Variants in BTBD9 observed in about 807,000 individuals in gnomAD.
The protein encoded by BTBD9 is BTB/POZ domain-containing protein 9.
Under a neutral mutation model 64.3 loss-of-function variants are expected in BTBD9, and 49 were observed. The observed-to-expected ratio is 0.76, with a 90% CI of 0.61 to 0.97. The LOEUF is 0.97. Ranked by LOEUF, BTBD9 falls within the 50% of genes least tolerant of loss-of-function variation. BTBD9 has a pLI of 0.00. For missense variants in BTBD9, 598 were observed against 762.1 expected, an observed-to-expected ratio of 0.78 and a Z score of 2.53; for synonymous variants, 260 against 274.7, an observed-to-expected ratio of 0.95 and a Z score of 0.53.
intron 10 of BTBD9, among the ~76,000 whole-genome samples, chr6:38,190,627 C>A (rs1762032180): frequency 6.6e-6 from 1 of 152,138 alleles, no homozygotes; most frequent in Non-Finnish European, 1.5e-5. Context: ...ACTATCCAAC[C>A]CATTTAAAAT....
chr6:38,554,263 G>A (rs1774927872), intron 6 of BTBD9, among the ~76,000 whole-genome samples: 1 of 152,204 alleles, frequency 6.6e-6, no homozygotes, highest in Admixed American at 6.5e-5. Flanking sequence ...TCACACAGAT[G>A]CTATAGACAG....
intron 10 of BTBD9, among the ~76,000 whole-genome samples, chr6:38,181,376 G>A (rs982020436): frequency 6.6e-6 from 1 of 152,108 alleles, no homozygotes; most frequent in African/African-American, 2.4e-5. Context: ...TCTACCTCTT[G>A]ATGTCTGTCC....
Position 38,560,588 on chromosome 6 carries a change from TTTTAA to T in BTBD9, c.1154+17007_1154+17011del, listed in dbSNP as rs1775222871. On this transcript the variant is annotated intron_variant, in intron 6 of 10. Transcript: ENST00000481247. ...TTTTTTGAAATTTATTTTTTTTAACTTTTAATTTAGGTTCAGGGATACATGTGCAG... is the reference window on the plus strand; with the variant it reads ...TTTTTTGAAATTTATTTTTTTTAACTTTTAGGTTCAGGGATACATGTGCAG... Among the ~76,000 whole-genome samples, 4 of 152,298 alleles carry T rather than the reference TTTTAA, an allele frequency of 2.6e-5. No homozygotes were observed. The South Asian group carries it at 6.2e-4, about 24-fold the overall frequency.
chr6:38,488,258 G>A (rs1771546889), intron 6 of BTBD9, among the ~76,000 whole-genome samples: 1 of 151,966 alleles, frequency 6.6e-6, no homozygotes, highest in Admixed American at 6.6e-5. Flanking sequence ...AAGTGTCCAA[G>A]GGATTTTTTT....
At chr6:38,592,901 C>G in intron 3 of BTBD9, 61 bp from the exon 4 acceptor site, 1 of 1,542,650 alleles carries the variant, frequency 6.5e-7, no homozygotes, top group Non-Finnish European at 8.9e-7. Context: ...CATGACCAAT[C>G]AGTAAAAGCT....
At chr6:38,540,340 C>T (rs545187493) in intron 6 of BTBD9, among the ~76,000 whole-genome samples, 86 of 152,234 alleles carry the variant, frequency 5.6e-4, no homozygotes, top group African/African-American at 1.9e-3. Context: ...ATATGAAATA[C>T]TCCATAGGGG....
chr6:38,355,415 G>T (rs542736201), intron 6 of BTBD9, among the ~76,000 whole-genome samples: 14 of 152,254 alleles, frequency 9.2e-5, no homozygotes, highest in Admixed American at 6.5e-4. Flanking sequence ...AGTTTGGCAA[G>T]GCTGTTTTTT....
intron 6 of BTBD9, among the ~76,000 whole-genome samples, chr6:38,414,963 C>T (rs577773746): frequency 6.6e-6 from 1 of 152,124 alleles, no homozygotes. Flanking sequence ...TTTCAATTGC[C>T]TACTAGACAC....
chr6:38,613,990 AACTTAAGCAG>A (rs1300164290), intron 1 of BTBD9, among the ~76,000 whole-genome samples: 1 of 152,148 alleles, frequency 6.6e-6, no homozygotes, highest in Admixed American at 6.5e-5. Flanking sequence ...AAAAACATCC[AACTTAAGCAG>A]ACTTTGCTGG....
intron 6 of BTBD9, among the ~76,000 whole-genome samples, chr6:38,485,949 G>A (rs769963241): frequency 3.9e-4 from 59 of 152,290 alleles, no homozygotes; most frequent in Non-Finnish European, 7.2e-4. Context: ...AGCCACCTTC[G>A]TCAATGATCT....
chr6:38,213,416 T>C (rs1762902116), intron 9 of BTBD9, among the ~76,000 whole-genome samples: 1 of 152,300 alleles, frequency 6.6e-6, no homozygotes, highest in South Asian at 2.1e-4. Flanking sequence ...ATGAAAACCA[T>C]TGCCCTTAGC....
intron 6 of BTBD9, among the ~76,000 whole-genome samples, chr6:38,426,486 C>T (rs1011621886): frequency 6.6e-6 from 1 of 151,914 alleles, no homozygotes; most frequent in Non-Finnish European, 1.5e-5. Context: ...TCTTCTGGCC[C>T]GTGTTTGTTA....
intron 9 of BTBD9, among the ~76,000 whole-genome samples, chr6:38,246,508 T>G (rs780439182): frequency 5.3e-5 from 8 of 152,102 alleles, no homozygotes; most frequent in Non-Finnish European, 7.4e-5. Flanking sequence ...TTCTTCATTT[T>G]TCATTTTTTG....
chr6:38,541,108 C>CT (rs1774247860), intron 6 of BTBD9, among the ~76,000 whole-genome samples: 1 of 152,120 alleles, frequency 6.6e-6, no homozygotes, highest in Non-Finnish European at 1.5e-5. Flanking sequence ...TGTTTCTGGT[C>CT]AACTCAGATG....
At chr6:38,584,550 A>G (rs1776431204) in intron 4 of BTBD9, among the ~76,000 whole-genome samples, 1 of 152,144 alleles carries the variant, frequency 6.6e-6, no homozygotes, top group South Asian at 2.1e-4. Flanking sequence ...CTTTTCTTTC[A>G]TTGCTTTATG....
intron 6 of BTBD9, among the ~76,000 whole-genome samples, chr6:38,491,547 T>G (rs1178274941): frequency 2.0e-5 from 3 of 152,250 alleles, no homozygotes; most frequent in Non-Finnish European, 4.4e-5. Context: ...TTCCATTTTA[T>G]TTTAGCACTG....
chr6:38,405,002 T>A (rs1767101375), intron 6 of BTBD9, among the ~76,000 whole-genome samples: 3 of 152,194 alleles, frequency 2.0e-5, no homozygotes, highest in Admixed American at 2.0e-4. Flanking sequence ...GTGCTTATTG[T>A]CAATCGTTAT....
At position 38,577,684 on chromosome 6, in the gene BTBD9, TC is replaced by T; in HGVS notation, c.1069del (p.Glu357AsnfsTer7). 6.2e-7 allele frequency: 1 copy of T among 1,610,248 alleles called. No individual in the cohort carries two copies. Among genetic ancestry groups the T allele is most frequent in the Non-Finnish European group, 8.5e-7 (1 of 1,179,560 alleles). ...ATCTATCACTCTGACCCAATCAAGT[TC>T]ATCCATTGACACTTCAATGAAGTAT... ...YSYFIEVSMD[E>X]LDWVRVIDHS... On this transcript the variant is annotated frameshift_variant, in exon 6 of 11. Transcript: ENST00000481247. LOFTEE classifies it high-confidence loss of function.
intron 6 of BTBD9, 138 bp downstream of exon 6, chr6:38,577,462 G>GT: frequency 1.2e-6 from 1 of 812,336 alleles, no homozygotes; most frequent in Middle Eastern, 2.5e-4. Context: ...ACTTTCCTAA[G>GT]TTTTTTACTT....
Sources: gnomAD v4.1 joint callset for allele counts (sites outside exome capture counted in the v4.1 genomes callset) on GRCh38, gnomAD v4.1.1 for gene constraint, MANE v1.5 for transcripts, NCBI Gene and HGNC (gene_info 2026-07-23, HGNC 2026-07-21) for gene names.